The following EEA1 variants were observed in gnomAD, a reference collection of about 807,000 sequenced individuals.
The protein encoded by EEA1 is early endosome antigen 1.
Under a neutral mutation model 209.2 loss-of-function variants are expected in EEA1, and 111 were observed. The observed-to-expected ratio is 0.53, with a 90% confidence interval of 0.45 to 0.62. EEA1 has a LOEUF of 0.62. EEA1 is among the 20% of genes least tolerant of loss of function. EEA1 has a pLI of 0.00. For missense variants in EEA1, 1,343 were observed against 1,530.8 expected, an observed-to-expected ratio of 0.88 and a Z score of 2.05; for synonymous variants, 536 against 540.6, an observed-to-expected ratio of 0.99 and a Z score of 0.12.
chr12:92,846,430 T>TA (rs757861943), intron 9 of EEA1, among the ~76,000 whole-genome samples: 1 of 152,196 alleles, frequency 6.6e-6, no homozygotes, highest in Admixed American at 6.5e-5. Flanking sequence ...GATATTTAAA[T>TA]ACTTTCATAG....
At chr12:92,887,830 T>A (rs1235144065) in intron 2 of EEA1, among the ~76,000 whole-genome samples, 1 of 151,974 alleles carries the variant, frequency 6.6e-6, no homozygotes, top group African/African-American at 2.4e-5. Flanking sequence ...AGGTTTCAGA[T>A]GGCAATATCA....
chr12:92,859,316 A>C, intron 3 of EEA1: 1 of 1,334,728 alleles, frequency 7.5e-7, no homozygotes, highest in Non-Finnish European at 1.1e-6. Flanking sequence ...GGCAAAGGCA[A>C]CAGAGAAGCC....
chr12:92,816,466 T>A (rs1875790289), intron 14 of EEA1, 66 bp from the exon 15 acceptor site: 1 of 1,452,380 alleles, frequency 6.9e-7, no homozygotes, highest in East Asian at 2.3e-5. Flanking sequence ...GAAACCTAAA[T>A]TTAAGAACCA....
intron 11 of EEA1, among the ~76,000 whole-genome samples, chr12:92,830,539 G>A (rs900706099): frequency 6.6e-6 from 1 of 151,986 alleles, no homozygotes; most frequent in Non-Finnish European, 1.5e-5. Flanking sequence ...AAAGTGACAA[G>A]TGAAGTAAAT....
chr12:92,898,555 T>C (rs967115710), intron 1 of EEA1, among the ~76,000 whole-genome samples: 9 of 151,738 alleles, frequency 5.9e-5, no homozygotes, highest in African/African-American at 1.9e-4. Context: ...TCCCAGCTAT[T>C]CGGGAGGCTG....
At chr12:92,805,212 T>C (rs1186975032) in intron 18 of EEA1, among the ~76,000 whole-genome samples, 1 of 152,124 alleles carries the variant, frequency 6.6e-6, no homozygotes. Context: ...ATGGATCAGA[T>C]ATGCTCCTCA....
intron 13 of EEA1, among the ~76,000 whole-genome samples, 158 bp downstream of exon 13, chr12:92,826,008 G>T (rs557275125): frequency 6.6e-6 from 1 of 151,820 alleles, no homozygotes; most frequent in Non-Finnish European, 1.5e-5. Flanking sequence ...AGACTTCAAA[G>T]TTATCAAAAT....
chr12:92,866,854 G>C (rs990781525), intron 2 of EEA1, among the ~76,000 whole-genome samples: 1 of 152,002 alleles, frequency 6.6e-6, no homozygotes. Flanking sequence ...TAAAAATTTG[G>C]CTAAACTACT....
intron 1 of EEA1, among the ~76,000 whole-genome samples, chr12:92,907,404 A>T (rs1365327998): frequency 6.6e-6 from 1 of 152,212 alleles, no homozygotes; most frequent in South Asian, 2.1e-4. Flanking sequence ...TCCATCTCAG[A>T]TTATAGAACC....
intron 3 of EEA1, among the ~76,000 whole-genome samples, chr12:92,859,459 C>T (rs1016486163): frequency 5.9e-5 from 9 of 152,108 alleles, no homozygotes; most frequent in African/African-American, 1.4e-4. Flanking sequence ...CTATTCTGTC[C>T]GTAGGTGTTT....
At chr12:92,878,289 CA>C (rs975049613) in intron 2 of EEA1, among the ~76,000 whole-genome samples, 4 of 151,640 alleles carry the variant, frequency 2.6e-5, no homozygotes, top group Admixed American at 2.0e-4. Context: ...AAAACAAAAA[CA>C]AAAAACAAAA....
chr12:92,810,511 T>C (rs1875436853), intron 17 of EEA1, among the ~76,000 whole-genome samples: 1 of 152,218 alleles, frequency 6.6e-6, no homozygotes, highest in African/African-American at 2.4e-5. Flanking sequence ...TATTCCCCCA[T>C]ACTATATTGG....
chr12:92,799,970 C>A (rs796289132), intron 20 of EEA1, among the ~76,000 whole-genome samples: 6 of 152,192 alleles, frequency 3.9e-5, no homozygotes, highest in African/African-American at 1.4e-4. Flanking sequence ...CGCCTATAAT[C>A]CCAGCACTTT....
intron 22 of EEA1, among the ~76,000 whole-genome samples, chr12:92,787,283 G>C (rs1242916291): frequency 2.0e-5 from 3 of 151,972 alleles, no homozygotes; most frequent in Non-Finnish European, 4.4e-5. Context: ...TAGAAAACTG[G>C]TACCTTCCTG....
At chr12:92,913,613 AT>A (rs1880657697) in intron 1 of EEA1, among the ~76,000 whole-genome samples, 1 of 151,406 alleles carries the variant, frequency 6.6e-6, no homozygotes, top group African/African-American at 2.4e-5. Flanking sequence ...GTCCAGAGAG[AT>A]TTTCCTAGGT....
intron 21 of EEA1, among the ~76,000 whole-genome samples, chr12:92,798,220 A>G (rs1874740156): frequency 6.6e-6 from 1 of 152,194 alleles, no homozygotes; most frequent in South Asian, 2.1e-4. Flanking sequence ...TGTTTTTAAG[A>G]TATCCCACTT....
chr12:92,909,199 T>C (rs1880492567), intron 1 of EEA1, among the ~76,000 whole-genome samples: 1 of 152,156 alleles, frequency 6.6e-6, no homozygotes, highest in African/African-American at 2.4e-5. Context: ...TATACTATGG[T>C]CTCTAACCAT....
At chr12:92,819,536 T>G in intron 13 of EEA1, 25 bp from the exon 14 acceptor site, 1 of 1,501,656 alleles carries the variant, frequency 6.7e-7, no homozygotes, top group Non-Finnish European at 9.0e-7. Flanking sequence ...AAACTACTAC[T>G]TTAAGAATAG....
intron 2 of EEA1, among the ~76,000 whole-genome samples, chr12:92,888,312 G>A (rs1437086386): frequency 6.6e-6 from 1 of 152,160 alleles, no homozygotes; most frequent in East Asian, 1.9e-4. Context: ...CGGGCGCAGT[G>A]GCTTACGCCT....
Sources: gnomAD v4.1 joint callset for allele counts (sites outside exome capture counted in the v4.1 genomes callset) on GRCh38, gnomAD v4.1.1 for gene constraint, MANE v1.5 for transcripts, NCBI Gene and HGNC (gene_info 2026-07-23, HGNC 2026-07-21) for gene names.